Variants in ADAMTS2 observed in about 807,000 individuals in gnomAD.
The protein encoded by ADAMTS2 is A disintegrin and metalloproteinase with thrombospondin motifs 2.
In ADAMTS2, 50 loss-of-function variants were observed where a neutral mutation model predicts 123.0. The observed-to-expected ratio is 0.41, with a 90% CI of 0.32 to 0.51. The LOEUF (loss-of-function observed/expected upper bound fraction) is 0.51. ADAMTS2 is among the 20% of genes least tolerant of loss of function. ADAMTS2 has a pLI of 0.35. For missense variants in ADAMTS2, 1,494 were observed against 1,705.2 expected, an observed-to-expected ratio of 0.88 and a Z score of 2.18; for synonymous variants, 678 against 695.4, an observed-to-expected ratio of 0.98 and a Z score of 0.39.
intron 5 of ADAMTS2, among the ~76,000 whole-genome samples, chr5:179,163,959 C>T (rs532350561): frequency 8.6e-5 from 13 of 152,032 alleles, no homozygotes; most frequent in African/African-American, 2.9e-4. Context: ...GGGGAAGCTG[C>T]ACTGGGGCCA....
chr5:179,251,484 C>T (rs989316037), intron 3 of ADAMTS2, among the ~76,000 whole-genome samples: 8 of 152,016 alleles, frequency 5.3e-5, no homozygotes, highest in Non-Finnish European at 8.8e-5. Context: ...AACCAGCAGC[C>T]CCCCACCCCA....
In ADAMTS2 at chr5:179,158,574, C is replaced by A. The variant is rs976649922; in HGVS notation, c.1132+149G>T. On this transcript the variant is annotated intron_variant, in intron 6 of 21. Coordinates refer to ENST00000251582, the MANE Select transcript of ADAMTS2 (RefSeq NM_014244.5). The surrounding 1 kb of genome is among the most constrained non-coding windows in gnomAD (Gnocchi z 5.0). ...GATGTATTTGTCCATCAGTGCACTG[C>A]CCCACACCCTCACCCAGCTAAGGTG... The A allele has an allele frequency of 2.0e-6, 2 of 992,880 alleles. No individual in the cohort carries two copies. The highest frequency in any genetic ancestry group is 5.1e-5 in the East Asian group (2 of 39,456). 61.5% of individuals were successfully genotyped at this position (992,880 alleles called of 1,614,324 possible).
At chr5:179,329,305 C>T (rs541313964) in intron 2 of ADAMTS2, among the ~76,000 whole-genome samples, 5 of 135,462 alleles carry the variant, frequency 3.7e-5, no homozygotes, top group East Asian at 2.2e-4. Context: ...CCAGCCTGGG[C>T]AACAGAGTGA....
chr5:179,283,549 C>CAAAAAAAAAAAAAAAAAAAAAAACAAAA (rs3986816), intron 2 of ADAMTS2, among the ~76,000 whole-genome samples: 1 of 51,344 alleles, frequency 1.9e-5, no homozygotes, highest in African/African-American at 9.5e-5. Context: ...AGAAAAACAG[C>CAAAAAAAAAAAAAAAAAAAAAAACAAAA]AAAAAAAAAA....
rs1432192810 is a variant in ADAMTS2 at position 179,180,995 on chromosome 5, A to T, written c.975+77T>A. 1.7e-6 allele frequency: 2 copies of T among 1,143,336 alleles called. No homozygotes were observed. Among genetic ancestry groups the T allele is most frequent in the Admixed American group, 1.7e-5 (1 of 58,416 alleles). The allele number at this position is 1,143,336 out of a possible 1,614,324, so 70.8% of individuals were successfully genotyped here. On this transcript the variant is annotated intron_variant, in intron 5 of 21. Transcript: ENST00000251582. The surrounding 1 kb of genome is among the most constrained non-coding windows in gnomAD (Gnocchi z 4.6). ...TTCTGGCAAACGCACACACTCTCCAAGGAGGCCCATGCCTCACTCCCAGGC... is the reference window on the plus strand; with the variant it reads ...TTCTGGCAAACGCACACACTCTCCATGGAGGCCCATGCCTCACTCCCAGGC...
At position 179,296,437 on chromosome 5, in the gene ADAMTS2, T is replaced by C. The variant is rs148225402; in HGVS notation, c.535-23373A>G. Among the ~76,000 whole-genome samples the C allele has an allele frequency of 7.8e-4, 118 of 151,874 alleles. 1 individual carries two copies. The highest frequency in any genetic ancestry group is 2.6e-3 in the African/African-American group (109 of 41,374). ...AGGCCAGCAGTCAGGAATGTCGAAGTAGATCCTTCAGCGAGGCTGGGGCCC... is the reference window on the plus strand; with the variant it reads ...AGGCCAGCAGTCAGGAATGTCGAAGCAGATCCTTCAGCGAGGCTGGGGCCC... On this transcript the variant is annotated intron_variant, in intron 2 of 21. Transcript: ENST00000251582.
At chr5:179,122,916 T>C in intron 19 of ADAMTS2, 143 bp from the exon 20 acceptor site, 1 of 1,341,078 alleles carries the variant, frequency 7.5e-7, no homozygotes, top group African/African-American at 1.4e-5. Context: ...GGGTTTCAGG[T>C]TGCCTTGCCC....
At chr5:179,338,384 T>C (rs1757679422) in intron 2 of ADAMTS2, among the ~76,000 whole-genome samples, 1 of 152,072 alleles carries the variant, frequency 6.6e-6, no homozygotes, top group Non-Finnish European at 1.5e-5. Flanking sequence ...CAGAGGTAGA[T>C]GGTGTGGATG....
intron 2 of ADAMTS2, among the ~76,000 whole-genome samples, chr5:179,296,156 A>G (rs1756324362): frequency 6.7e-6 from 1 of 149,560 alleles, no homozygotes; most frequent in African/African-American, 2.5e-5. Context: ...GAGAATGACC[A>G]CAGGATCCAC....
intron 5 of ADAMTS2, among the ~76,000 whole-genome samples, chr5:179,177,763 A>G (rs1206398843): frequency 6.6e-6 from 1 of 152,212 alleles, no homozygotes; most frequent in Admixed American, 6.5e-5. Flanking sequence ...TTAAGGAAAA[A>G]AAAAGAAAAA....
chr5:179,331,660 A>G (rs1242869375), intron 2 of ADAMTS2, among the ~76,000 whole-genome samples: 2 of 151,756 alleles, frequency 1.3e-5, no homozygotes, highest in South Asian at 2.1e-4. Context: ...CAACCGTCCT[A>G]TGACAGTTGT....
intron 2 of ADAMTS2, among the ~76,000 whole-genome samples, chr5:179,289,876 G>A (rs1486335946): frequency 6.6e-6 from 1 of 152,222 alleles, no homozygotes; most frequent in African/African-American, 2.4e-5. Context: ...CCATGGGGAT[G>A]CACCGTCTAC....
At chr5:179,306,894 CA>C (rs1756688361) in intron 2 of ADAMTS2, among the ~76,000 whole-genome samples, 1 of 152,186 alleles carries the variant, frequency 6.6e-6, no homozygotes, top group Non-Finnish European at 1.5e-5. Context: ...GCTCTGAGGA[CA>C]TGGCTCTTAT....
Position 179,154,936 on chromosome 5 carries a change from G to A in ADAMTS2, c.1133-17C>T, listed in dbSNP as rs1319681709. 6.2e-7 allele frequency: 1 copy of A among 1,607,804 alleles called. No individual in the cohort carries two copies. Among genetic ancestry groups the A allele is most frequent in the Non-Finnish European group, 8.5e-7 (1 of 1,177,190 alleles). On this transcript the variant is annotated splice_polypyrimidine_tract_variant and intron_variant, in intron 6 of 21. Transcript: ENST00000251582. ...GAGCATAGCCTGGGAGGAGACAAGAGGCGGCTCCAGATGCTGCCATAGCCT... is the reference window on the plus strand; with the variant it reads ...GAGCATAGCCTGGGAGGAGACAAGAAGCGGCTCCAGATGCTGCCATAGCCT...
chr5:179,294,073 T>G (rs963894650), intron 2 of ADAMTS2, among the ~76,000 whole-genome samples: 3 of 152,000 alleles, frequency 2.0e-5, no homozygotes, highest in African/African-American at 4.8e-5. Flanking sequence ...CAGACCAGCA[T>G]AGTGAGGCCT....
At chr5:179,121,977 C>T (rs1290264555) in intron 20 of ADAMTS2, 1 of 383,340 alleles carries the variant, frequency 2.6e-6, no homozygotes, top group Non-Finnish European at 4.6e-6. Flanking sequence ...CCTCTCGCTG[C>T]CCTGGCATGC....
intron 5 of ADAMTS2, among the ~76,000 whole-genome samples, chr5:179,177,119 A>G (rs1763950391): frequency 6.6e-6 from 1 of 152,246 alleles, no homozygotes; most frequent in South Asian, 2.1e-4. Flanking sequence ...ATGCCAGTGA[A>G]TATTCCCAGC....
intron 3 of ADAMTS2, among the ~76,000 whole-genome samples, chr5:179,226,274 TTC>T (rs1452346190): frequency 2.9e-5 from 4 of 136,288 alleles, no homozygotes; most frequent in African/African-American, 1.1e-4. Flanking sequence ...CTTTCCTTCT[TTC>T]TTTTTTTTTT....
At chr5:179,166,237 A>G (rs557778855) in intron 5 of ADAMTS2, among the ~76,000 whole-genome samples, 4 of 152,138 alleles carry the variant, frequency 2.6e-5, no homozygotes, top group Admixed American at 2.0e-4. Flanking sequence ...GGGCCCTCCC[A>G]CAGCAGCACC....
Sources: gnomAD v4.1 joint callset for allele counts (sites outside exome capture counted in the v4.1 genomes callset) on GRCh38, gnomAD v4.1.1 for gene constraint, Gnocchi (gnomAD v3.1) non-coding constraint, MANE v1.5 for transcripts, NCBI Gene and HGNC (gene_info 2026-07-23, HGNC 2026-07-21) for gene names.